CC2D1B: variants seen among roughly 807,000 people sequenced by gnomAD.
The protein encoded by CC2D1B is coiled-coil and C2 domain-containing protein 1B.
Under a neutral mutation model 110.8 loss-of-function variants are expected in CC2D1B, and 92 were observed. That is an observed-to-expected ratio of 0.83 (90% CI 0.70 to 0.99). CC2D1B has a LOEUF of 0.99. Ranked by LOEUF, CC2D1B falls within the 50% of genes least tolerant of loss-of-function variation. CC2D1B has a pLI of 0.00. For synonymous variants in CC2D1B, 406 were observed against 429.2 expected (o/e 0.95, Z 0.67); for missense variants, 1,136 against 1,089.0 (o/e 1.04, Z -0.61).
intron 3 of CC2D1B, among the ~76,000 whole-genome samples, chr1:52,361,880 T>C (rs535527851): frequency 2.9e-4 from 44 of 152,250 alleles, no homozygotes; most frequent in Non-Finnish European, 1.2e-4. Flanking sequence ...CCATCCACTC[T>C]CTCCAACCTC....
rs960937107 is a variant in CC2D1B at position 52,361,574 on chromosome 1, C to T, written c.257G>A (p.Cys86Tyr). The T allele has an allele frequency of 1.2e-6, 2 of 1,613,830 alleles. No individual in the cohort carries two copies. Among genetic ancestry groups the T allele is most frequent in the Non-Finnish European group, 8.5e-7 (1 of 1,180,008 alleles). ...CTCCTCCTCCTCCACATCCCGCATA[C>T]AGTCTGCCGCCAACTTCTCGATGTG... The part of the protein sequence containing the change: ...MAHIEKLAAD[C>Y]MRDVEEEEEE... The change falls in exon 4 of 25, where the codon TGT (cysteine) becomes TAT (tyrosine). Residue 86 changes from cysteine (C) to tyrosine (Y), a missense_variant. Cys to Tyr is a radical substitution (Grantham distance 194). Coordinates refer to ENST00000284376, the MANE Select transcript of CC2D1B (RefSeq NM_001330585.2).
chr1:52,351,939 T>C lies in CC2D1B; in HGVS notation c.*1286A>G, dbSNP rs1160972885. ...AGGGCTCATGGGGAAAAAAGTCACT[T>C]GTGTGTAGTTCCCGCTCTGTGACCC... On this transcript the variant is annotated 3_prime_UTR_variant, in exon 25 of 25. Coordinates refer to ENST00000284376, the MANE Select transcript of CC2D1B (RefSeq NM_001330585.2). 3.3e-5 allele frequency: 5 copies of C among 150,792 alleles called. No individual in the cohort carries two copies. In the East Asian group the frequency reaches 7.8e-4, roughly 24 times the overall value. The allele number at this position is 150,792 out of a possible 1,614,324, so 9.3% of individuals were successfully genotyped here.
chr1:52,354,722 G>A, intron 22 of CC2D1B, 24 bp from the exon 23 acceptor site: 1 of 1,612,488 alleles, frequency 6.2e-7, no homozygotes, highest in Non-Finnish European at 8.5e-7. Context: ...AGGCAGCAGA[G>A]GATTGGACTG....
At chr1:52,357,721 T>G (rs1380701591) in intron 14 of CC2D1B, 23 bp from the exon 15 acceptor site, 19 of 1,610,972 alleles carry the variant, frequency 1.2e-5, no homozygotes, top group Non-Finnish European at 1.6e-5. Flanking sequence ...GGCCACTGGT[T>G]AGGGCCACAC....
At chr1:52,357,249 T>A in intron 15 of CC2D1B, 123 bp from the exon 16 acceptor site, 1 of 1,191,036 alleles carries the variant, frequency 8.4e-7, no homozygotes, top group African/African-American at 1.5e-5. Flanking sequence ...TGATGACAAC[T>A]CATCGCCTCC....
At position 52,360,525 on chromosome 1, in the gene CC2D1B, C is replaced by T. The variant is rs373439248; in HGVS notation, c.502G>A (p.Ala168Thr). 1.2e-5 allele frequency: 19 copies of T among 1,614,020 alleles called. No homozygotes were observed. The highest frequency in any genetic ancestry group is 1.6e-4 in the Middle Eastern group (1 of 6,082). ...AQAGASQGLH[A>T]LLEERIHNYR... is the part of the protein sequence containing the mutation. ...TTGTGAATCCGTTCCTCCAGCAAAGCGTGTAGCCCCTGAGATGCTCCGGCC... is the reference window on the plus strand; with the variant it reads ...TTGTGAATCCGTTCCTCCAGCAAAGTGTGTAGCCCCTGAGATGCTCCGGCC... Residue 168 changes from alanine to threonine, a missense_variant, in exon 6 of 25, where the codon GCT becomes ACT. Transcript: ENST00000284376.
At chr1:52,356,870 C>CT in intron 16 of CC2D1B, 131 bp downstream of exon 16, 1 of 1,112,196 alleles carries the variant, frequency 9.0e-7, no homozygotes, top group Non-Finnish European at 1.3e-6. Flanking sequence ...AGTGCCTTGC[C>CT]CAAGTCACAC....
At chr1:52,358,805 G>A in intron 11 of CC2D1B, 47 bp from the exon 12 acceptor site, 3 of 1,561,630 alleles carry the variant, frequency 1.9e-6, no homozygotes, top group Non-Finnish European at 2.6e-6. Flanking sequence ...GCAGCCCACA[G>A]GCCCCCTGCC....
In CC2D1B at chr1:52,353,617, TC is replaced by T. The variant is rs760045420; in HGVS notation, c.2460del (p.Lys821SerfsTer4). The T allele has an allele frequency of 6.8e-6, 11 of 1,609,834 alleles. No homozygotes were observed. The Admixed American group carries it at 1.5e-4, about 22-fold the overall frequency. ...EVLDGRKPTG[G>X]KLEVKVRLRE... Reference sequence around the variant, plus strand: ...CGCAGCCTCACCTTCACCTCCAGCTTCCCCCCGGTGGGCTTCCTTCCATCCA... The same window carrying T: ...CGCAGCCTCACCTTCACCTCCAGCTTCCCCCGGTGGGCTTCCTTCCATCCA... On this transcript the variant is annotated frameshift_variant, in exon 24 of 25. Coordinates refer to ENST00000284376, the MANE Select transcript of CC2D1B (RefSeq NM_001330585.2). LOFTEE classifies it high-confidence loss of function.
rs1055012439 is a variant in CC2D1B, at chr1:52,359,291, C to G, written c.1085G>C (p.Arg362Pro). Residue 362 changes from arginine to proline, a missense_variant, in exon 10 of 25, where the codon CGA becomes CCA. By Grantham distance (103) the Arg-to-Pro change is moderately radical. Coordinates refer to ENST00000284376, the MANE Select transcript of CC2D1B (RefSeq NM_001330585.2). Reference sequence around the variant, plus strand: ...GTCAGGGGCCATCACTGGCTGCACTCGCTCCACGGCTGGGGGAATGACTGA... The same window carrying G: ...GTCAGGGGCCATCACTGGCTGCACTGGCTCCACGGCTGGGGGAATGACTGA... ...APSVIPPAVE[R>P]VQPVMAPDVP... The G allele has an allele frequency of 6.2e-7, 1 of 1,613,102 alleles. No homozygotes were observed. Among genetic ancestry groups the G allele is most frequent in the Non-Finnish European group, 8.5e-7 (1 of 1,179,694 alleles).
At position 52,359,742 on chromosome 1, in the gene CC2D1B, T is replaced by G; in HGVS notation, c.905A>C (p.Glu302Ala). The G allele has an allele frequency of 1.2e-6, 2 of 1,609,464 alleles. No homozygotes were observed. Among genetic ancestry groups the G allele is most frequent in the Non-Finnish European group, 1.7e-6 (2 of 1,178,008 alleles). ...VAALSAKRAG[E>A]LDRARELMRI... Reference sequence around the variant, plus strand: ...CATGAGCTCTCGGGCACGGTCTAGCTCTCCAGCCCGCTTGGCACTGAGGGC... The same window carrying G: ...CATGAGCTCTCGGGCACGGTCTAGCGCTCCAGCCCGCTTGGCACTGAGGGC... The change falls in exon 8 of 25, where the codon GAG becomes GCG. Residue 302 changes from glutamate to alanine, a missense_variant. Coordinates refer to ENST00000284376, the MANE Select transcript of CC2D1B (RefSeq NM_001330585.2).
rs1038315235 is a variant in CC2D1B, at chr1:52,360,981, G to C, written c.470C>G (p.Ala157Gly). 6.2e-7 allele frequency: 1 copy of C among 1,614,086 alleles called. No individual in the cohort carries two copies. The highest frequency in any genetic ancestry group is 1.3e-5 in the African/African-American group (1 of 75,042). Reference sequence around the variant, plus strand: ...CCCTCCTCCAGAACCCACCTGAGCTGCTGGGGCTGAAGCTGTCAGGACGGC... The same window carrying C: ...CCCTCCTCCAGAACCCACCTGAGCTCCTGGGGCTGAAGCTGTCAGGACGGC... The part of the protein sequence containing the change: ...QTAVLTASAP[A>G]AQAGASQGLH... Residue 157 changes from alanine to glycine, a missense_variant, in exon 5 of 25, where the codon GCA (alanine) becomes GGA (glycine). Transcript: ENST00000284376.
chr1:52,354,768 G>T, intron 22 of CC2D1B, 70 bp from the exon 23 acceptor site: 1 of 1,595,812 alleles, frequency 6.3e-7, no homozygotes, highest in South Asian at 1.1e-5. Flanking sequence ...CTGAGCCCAT[G>T]CAGGGGCAGC....
chr1:52,355,109 T>C, intron 21 of CC2D1B, 170 bp from the exon 22 acceptor site: 1 of 642,458 alleles, frequency 1.6e-6, no homozygotes, highest in Non-Finnish European at 2.8e-6. Flanking sequence ...AAGTGAGTTT[T>C]TGTACTCTTT....
intron 2 of CC2D1B, among the ~76,000 whole-genome samples, chr1:52,363,010 C>T (rs1646815041): frequency 6.6e-6 from 1 of 152,224 alleles, no homozygotes; most frequent in South Asian, 2.1e-4. Flanking sequence ...TTATTACAAC[C>T]AACAGCAATA....
Position 52,351,001 on chromosome 1 carries a change from C to T in CC2D1B, c.*2224G>A, listed in dbSNP as rs1261860760. ...ACCTCAGGTGATCCACCTGCCTCAG[C>T]TTTCCAAAGTGGTGGGATTACAGGC... On this transcript the variant is annotated 3_prime_UTR_variant, in exon 25 of 25. Transcript: ENST00000284376. 1 of 152,282 alleles carries T rather than the reference C, an allele frequency of 6.6e-6. No homozygotes were observed. 9.4% of individuals were successfully genotyped at this position (152,282 alleles called of 1,614,324 possible). A position where few individuals can be genotyped will look rare whatever the true frequency, so the allele number is the denominator to read the frequency against.
At chr1:52,357,238 G>A (rs1036974150) in intron 15 of CC2D1B, 112 bp from the exon 16 acceptor site, 9 of 1,315,166 alleles carry the variant, frequency 6.8e-6, no homozygotes, top group Non-Finnish European at 8.5e-6. Context: ...CTAAAGTCCA[G>A]TGATGACAAC....
Position 52,351,822 on chromosome 1 carries a change from T to G in CC2D1B, c.*1403A>C, listed in dbSNP as rs1216922982. 1 of 148,774 alleles carries G rather than the reference T, an allele frequency of 6.7e-6. No individual in the cohort carries two copies. 9.2% of individuals were successfully genotyped at this position (148,774 alleles called of 1,614,324 possible). A position where few individuals can be genotyped will look rare whatever the true frequency, so the allele number is the denominator to read the frequency against. On this transcript the variant is annotated 3_prime_UTR_variant, in exon 25 of 25. Coordinates refer to ENST00000284376, the MANE Select transcript of CC2D1B (RefSeq NM_001330585.2). ...TCGCTTGAACCTGGGAGGTGGGGGT[T>G]GCAGCGAGCTGAGATCATGCCACTG...
Position 52,358,384 on chromosome 1 carries a change from C to G in CC2D1B, c.1408G>C (p.Glu470Gln). The G allele has an allele frequency of 6.2e-7, 1 of 1,614,178 alleles. No individual in the cohort carries two copies. Among genetic ancestry groups the G allele is most frequent in the Non-Finnish European group, 8.5e-7 (1 of 1,180,038 alleles). ...DAVAATLAAA[E>Q]KLASAEDSAP... ...GAATCCTCTGCAGAGGCCAGTTTCTCTGCAGCTGCCAATGTCGCTGCCACT... is the reference window on the plus strand; with the variant it reads ...GAATCCTCTGCAGAGGCCAGTTTCTGTGCAGCTGCCAATGTCGCTGCCACT... Residue 470 changes from glutamate to glutamine, a missense_variant, in exon 13 of 25, where the codon GAG becomes CAG. By Grantham distance (29) the Glu-to-Gln change is conservative. Coordinates refer to ENST00000284376, the MANE Select transcript of CC2D1B (RefSeq NM_001330585.2).
Sources: allele counts gnomAD v4.1 joint callset (sites outside exome capture counted in the v4.1 genomes callset), GRCh38; gene constraint gnomAD v4.1.1; transcripts MANE v1.5; gene names NCBI Gene and HGNC (gene_info 2026-07-23, HGNC 2026-07-21).